Variants in RNF169 observed in about 807,000 individuals in gnomAD.
RNF169 encodes ring finger protein 169.
In RNF169, 24 loss-of-function variants were observed where a neutral mutation model predicts 53.9. The ratio of observed to expected loss-of-function variants is 0.45; its 90% CI spans 0.32 to 0.63. The LOEUF is 0.63. Ranked by LOEUF, RNF169 falls within the 20% of genes least tolerant of loss-of-function variation. The pLI is 0.04. For synonymous variants in RNF169, 396 were observed against 363.5 expected (o/e 1.09, Z -1.02); for missense variants, 883 against 906.2 (o/e 0.97, Z 0.33).
intron 1 of RNF169, among the ~76,000 whole-genome samples, chr11:74,767,040 T>G (rs1372933669): frequency 1.3e-5 from 2 of 152,200 alleles, no homozygotes; most frequent in Non-Finnish European, 2.9e-5. Context: ...GGGATCTCAC[T>G]GTATTGCCCA....
At chr11:74,780,570 G>T (rs1034408176) in intron 1 of RNF169, among the ~76,000 whole-genome samples, 1 of 152,070 alleles carries the variant, frequency 6.6e-6, no homozygotes, top group African/African-American at 2.4e-5. Flanking sequence ...ATGTATGCAC[G>T]CTTGCCTTAT....
intron 2 of RNF169, among the ~76,000 whole-genome samples, chr11:74,791,573 C>T (rs1318238101): frequency 6.6e-6 from 1 of 152,242 alleles, no homozygotes; most frequent in East Asian, 1.9e-4. Flanking sequence ...CAGGGCGCTG[C>T]CATGTCAGCA....
intron 1 of RNF169, among the ~76,000 whole-genome samples, chr11:74,764,531 A>T (rs2035142931): frequency 6.6e-6 from 1 of 152,232 alleles, no homozygotes; most frequent in South Asian, 2.1e-4. Flanking sequence ...AGAAGAAAAA[A>T]GTAAGGGCAA....
chr11:74,808,655 G>A (rs376243325), intron 2 of RNF169, among the ~76,000 whole-genome samples: 6 of 152,300 alleles, frequency 3.9e-5, no homozygotes, highest in Admixed American at 1.3e-4. Context: ...CACCTGACAC[G>A]TAGAGTTCAG....
rs35118389 is a variant in RNF169 at position 74,768,606 on chromosome 11, T to TAAA, written c.502+19238_502+19240dup. Among the ~76,000 whole-genome samples the TAAA allele has an allele frequency of 1.3e-4, 17 of 131,372 alleles. No individual in the cohort carries two copies. The East Asian group carries it at 2.6e-3, about 20-fold the overall frequency. 86.2% of individuals were successfully genotyped at this position (131,372 alleles called of 152,430 possible). A position where few individuals can be genotyped will look rare whatever the true frequency, so the allele number is the denominator to read the frequency against. On this transcript the variant is annotated intron_variant, in intron 1 of 5. Transcript: ENST00000299563. ...TGGGTGACAGAGCTAGACTCTGTCTTAAAAAAAAAAAAAAAAGGTTGTAAA... is the reference window on the plus strand; with the variant it reads ...TGGGTGACAGAGCTAGACTCTGTCTTAAAAAAAAAAAAAAAAAAAGGTTGTAAA...
At chr11:74,761,679 C>T (rs1455293304) in intron 1 of RNF169, among the ~76,000 whole-genome samples, 2 of 152,162 alleles carry the variant, frequency 1.3e-5, no homozygotes, top group Non-Finnish European at 1.5e-5. Flanking sequence ...GCCGAGAGAT[C>T]CGCTGTTAGT....
chr11:74,757,265 G>A (rs879501108), intron 1 of RNF169, among the ~76,000 whole-genome samples: 1,756 of 122,342 alleles, frequency 0.014, 19 homozygotes, highest in East Asian at 0.043. Context: ...TTTTGTTCTT[G>A]CGATAGTTTA....
intron 1 of RNF169, among the ~76,000 whole-genome samples, chr11:74,755,675 A>T (rs1423480439): frequency 6.6e-6 from 1 of 152,232 alleles, no homozygotes; most frequent in African/African-American, 2.4e-5. Flanking sequence ...TGAGGAAGGC[A>T]TTTGAATTGT....
chr11:74,760,301 T>A (rs1281137810), intron 1 of RNF169, among the ~76,000 whole-genome samples: 1 of 152,254 alleles, frequency 6.6e-6, no homozygotes, highest in African/African-American at 2.4e-5. Context: ...TTTTTATGTC[T>A]GTATTTCCTT....
At chr11:74,788,585 G>C (rs1381298443) in intron 1 of RNF169, among the ~76,000 whole-genome samples, 1 of 152,000 alleles carries the variant, frequency 6.6e-6, no homozygotes, top group African/African-American at 2.4e-5. Context: ...AGTAGAGATG[G>C]GGTTTCACCA....
chr11:74,815,326 C>T (rs796802422), intron 3 of RNF169, among the ~76,000 whole-genome samples: 90 of 152,184 alleles, frequency 5.9e-4, no homozygotes, highest in African/African-American at 2.0e-3. Context: ...GAGGCCGAGG[C>T]GGGCAGATCA....
At chr11:74,819,239 G>A (rs1038316639) in intron 4 of RNF169, among the ~76,000 whole-genome samples, 4 of 152,072 alleles carry the variant, frequency 2.6e-5, no homozygotes, top group Non-Finnish European at 1.5e-5. Context: ...GACTCTTGTA[G>A]CTGAAAAGGA....
At chr11:74,831,791 A>G (rs996425319) in intron 4 of RNF169, 2 of 152,190 alleles carry the variant, frequency 1.3e-5, no homozygotes, top group Admixed American at 6.5e-5. Flanking sequence ...GTACTGGAAT[A>G]AGGGTAGACA....
At position 74,826,388 on chromosome 11, in the gene RNF169, T is replaced by TG. The variant is rs201797179; in HGVS notation, c.843-8283dup. 6.3e-3 allele frequency among the ~76,000 whole-genome samples: 958 copies of TG among 152,224 alleles called. 11 individuals carry two copies. Among genetic ancestry groups the TG allele is most frequent in the African/African-American group, 0.022 (926 of 41,512 alleles). ...AGAACTCACTATCACGAGAACAGCA[T>TG]GGGGGAAACCACCCCCATGATTCAG... On this transcript the variant is annotated intron_variant, in intron 4 of 5. Transcript: ENST00000299563.
intron 1 of RNF169, among the ~76,000 whole-genome samples, chr11:74,771,605 G>A (rs1488434230): frequency 1.3e-5 from 2 of 152,208 alleles, no homozygotes; most frequent in Non-Finnish European, 2.9e-5. Flanking sequence ...TCAGGAGGCT[G>A]AGGTGGGAGG....
At position 74,837,216 on chromosome 11, in the gene RNF169, G is replaced by A. The variant is rs1866562; in HGVS notation, c.*486G>A. ...TTCTGCTGTCCCTTGCCAAAAATAA[G>A]TAAATATATCAGTTAAGATTATGCC... On this transcript the variant is annotated 3_prime_UTR_variant, in exon 6 of 6. Coordinates refer to ENST00000299563, the MANE Select transcript of RNF169 (RefSeq NM_001098638.2). The A allele has an allele frequency of 0.35, 54,092 of 153,836 alleles. 11,945 individuals are homozygous for A. Among genetic ancestry groups the A allele is most frequent in the African/African-American group, 0.63 (26,320 of 41,492 alleles). 9.5% of individuals were successfully genotyped at this position (153,836 alleles called of 1,614,324 possible). A position where few individuals can be genotyped will look rare whatever the true frequency, so the allele number is the denominator to read the frequency against.
chr11:74,817,523 T>A, intron 3 of RNF169, 73 bp from the exon 4 acceptor site: 1 of 907,038 alleles, frequency 1.1e-6, no homozygotes, highest in Non-Finnish European at 1.8e-6. Flanking sequence ...AGAAAGAGAT[T>A]TGAACCTATA....
chr11:74,794,074 A>G (rs2035615012), intron 2 of RNF169, among the ~76,000 whole-genome samples: 1 of 152,184 alleles, frequency 6.6e-6, no homozygotes, highest in Non-Finnish European at 1.5e-5. Context: ...TCCTCTAGCT[A>G]CTAGGGAGGC....
At chr11:74,806,596 A>G (rs2035808670) in intron 2 of RNF169, among the ~76,000 whole-genome samples, 1 of 152,242 alleles carries the variant, frequency 6.6e-6, no homozygotes. Flanking sequence ...ATTGTCAAAC[A>G]ACAGAATACT....
Sources: allele counts gnomAD v4.1 joint callset (sites outside exome capture counted in the v4.1 genomes callset), GRCh38; gene constraint gnomAD v4.1.1; transcripts MANE v1.5; gene names NCBI Gene and HGNC (gene_info 2026-07-23, HGNC 2026-07-21).